SENP2: variants seen among roughly 807,000 people sequenced by gnomAD.
SENP2 encodes SUMO specific peptidase 2, also known as sentrin-specific protease 2.
A neutral mutation model predicts 86.3 loss-of-function variants in SENP2; 16 were observed. That is an observed-to-expected ratio of 0.19 (90% CI 0.13 to 0.28). The LOEUF (loss-of-function observed/expected upper bound fraction) is 0.28, where lower values mean the gene tolerates loss of function less well. SENP2 is among the 10% of genes least tolerant of loss of function. SENP2 has a pLI of 1.00. For synonymous variants in SENP2, 222 were observed against 238.7 expected, an observed-to-expected ratio of 0.93 and a Z score of 0.64; for missense variants, 552 against 703.0, an observed-to-expected ratio of 0.79 and a Z score of 2.43.
Position 185,600,870 on chromosome 3 carries a change from C to A in SENP2, c.449+15C>A, listed in dbSNP as rs1577723630. 1 of 1,561,442 alleles carries A rather than the reference C, an allele frequency of 6.4e-7. No individual in the cohort carries two copies. On this transcript the variant is annotated intron_variant, in intron 5 of 16. Coordinates refer to ENST00000296257, the MANE Select transcript of SENP2 (RefSeq NM_021627.3). Reference sequence around the variant, plus strand: ...CCTTCCTTTGGGTAAGTGTTAAATTCTTTCTGTAAATGGAAACTTAGCATT... The same window carrying A: ...CCTTCCTTTGGGTAAGTGTTAAATTATTTCTGTAAATGGAAACTTAGCATT...
chr3:185,606,316 T>C lies in SENP2; in HGVS notation c.450-14T>C. 6.3e-7 allele frequency: 1 copy of C among 1,576,174 alleles called. No homozygotes were observed. The highest frequency in any genetic ancestry group is 8.6e-7 in the Non-Finnish European group (1 of 1,166,474). On this transcript the variant is annotated splice_polypyrimidine_tract_variant and intron_variant, in intron 5 of 16. Coordinates refer to ENST00000296257, the MANE Select transcript of SENP2 (RefSeq NM_021627.3). ...CTTGGTGATACTTTTTTTCTTTTTT[T>C]TTCTGTTGCTCAGTTTTACTTTGAA...
chr3:185,617,051 G>A (rs545326184), intron 11 of SENP2, among the ~76,000 whole-genome samples: 2 of 152,262 alleles, frequency 1.3e-5, no homozygotes, highest in South Asian at 4.1e-4. Flanking sequence ...GGAAAATTGA[G>A]ACTATACTTT....
intron 11 of SENP2, among the ~76,000 whole-genome samples, chr3:185,615,574 C>G (rs1711568351): frequency 6.6e-6 from 1 of 152,078 alleles, no homozygotes; most frequent in African/African-American, 2.4e-5. Context: ...GAACTCCTGA[C>G]CTTAGATGAT....
intron 5 of SENP2, among the ~76,000 whole-genome samples, chr3:185,604,124 AAAAT>A (rs767408180): frequency 2.4e-4 from 36 of 152,218 alleles, no homozygotes; most frequent in African/African-American, 5.8e-4. Flanking sequence ...CCGTCTCAAA[AAAAT>A]AAATAAATAA....
chr3:185,598,479 G>T lies in SENP2; in HGVS notation c.225G>T (p.Gln75His). The T allele has an allele frequency of 6.2e-7, 1 of 1,614,068 alleles. No individual in the cohort carries two copies. Among genetic ancestry groups the T allele is most frequent in the Non-Finnish European group, 8.5e-7 (1 of 1,180,002 alleles). ...CCAGCTTATTTGGATTCCCATTCCA[G>T]CTGACCACAAAGCCCATGGTAACTT... ...NAASLFGFPFQLTTKPMVTSA... is the reference protein window; with the variant it reads ...NAASLFGFPFHLTTKPMVTSA... Residue 75 changes from glutamine (Q) to histidine (H), a missense_variant, in exon 3 of 17, where the codon CAG becomes CAT. Around this residue, in one of 2 missense-constraint regions of SENP2, gnomAD observed 383 missense variants for 427.3 expected, o/e 0.90. Coordinates refer to ENST00000296257, the MANE Select transcript of SENP2 (RefSeq NM_021627.3).
At chr3:185,607,319 C>CTT (rs758884593) in intron 6 of SENP2, among the ~76,000 whole-genome samples, 3,210 of 66,094 alleles carry the variant, frequency 0.049, 730 homozygotes, top group South Asian at 0.19. Context: ...AGATTAGATT[C>CTT]TTTTTTTTTT....
intron 1 of SENP2, among the ~76,000 whole-genome samples, chr3:185,588,931 A>G (rs1438349649): frequency 6.6e-6 from 1 of 152,176 alleles, no homozygotes; most frequent in East Asian, 1.9e-4. Context: ...CTTGATCTTT[A>G]CTATACTTTA....
chr3:185,597,671 G>C (rs1014096980), intron 2 of SENP2, among the ~76,000 whole-genome samples: 4 of 143,920 alleles, frequency 2.8e-5, no homozygotes, highest in African/African-American at 1.0e-4. Context: ...TTTTTTTTTT[G>C]AGATGGAGTT....
At position 185,633,257 on chromosome 3, in the gene SENP2, T is replaced by C. The variant is rs1340451697; in HGVS notation, c.*3413T>C. 6.6e-6 allele frequency: 1 copy of C among 152,186 alleles called. No homozygotes were observed. Among genetic ancestry groups the C allele is most frequent in the African/African-American group, 2.4e-5 (1 of 41,440 alleles). The allele number at this position is 152,186 out of a possible 1,614,324, so 9.4% of individuals were successfully genotyped here. A position where few individuals can be genotyped will look rare whatever the true frequency, so the allele number is the denominator to read the frequency against. ...AATAAGCAAGAGACCGAAAGTTAAG[T>C]GTGTGACAACCTCAGTACTGTAGTT... On this transcript the variant is annotated 3_prime_UTR_variant, in exon 17 of 17. Transcript: ENST00000296257.
chr3:185,590,081 A>C (rs1483753116), intron 1 of SENP2, 33 bp from the exon 2 acceptor site: 1 of 1,145,502 alleles, frequency 8.7e-7, no homozygotes, highest in Admixed American at 2.4e-5. Flanking sequence ...GTGTAAATCT[A>C]TATATATATA....
chr3:185,623,849 A>AAT (rs1292199300), intron 14 of SENP2, 149 bp from the exon 15 acceptor site: 1 of 434,226 alleles, frequency 2.3e-6, no homozygotes, highest in Non-Finnish European at 4.0e-6. Flanking sequence ...AAAAAAAAAA[A>AAT]ATCCAGAAAG....
chr3:185,612,639 T>C lies in SENP2; in HGVS notation c.850T>C (p.Ser284Pro), dbSNP rs1404098364. 6.2e-7 allele frequency: 1 copy of C among 1,609,204 alleles called. No homozygotes were observed. Among genetic ancestry groups the C allele is most frequent in the East Asian group, 2.2e-5 (1 of 44,840 alleles). Residue 284 changes from serine to proline, a missense_variant, in exon 9 of 17, where the codon TCA (serine) becomes CCA (proline). Ser to Pro is a moderately conservative substitution (Grantham distance 74). This residue lies in a region of SENP2 where 383 missense variants were observed against 427.3 expected (regional missense o/e 0.90). Transcript: ENST00000296257. ...RLVETRGPLC[S>P]LRSEKRCSKG... is the part of the protein sequence containing the mutation. ...TGTTGAAACAAGGGGACCTCTATGT[T>C]CATTGAGAAGTGAAAAGAGGTACGT... is the stretch of plus-strand genomic sequence containing the variant.
intron 13 of SENP2, among the ~76,000 whole-genome samples, chr3:185,619,954 C>T (rs1242952774): frequency 1.3e-5 from 2 of 151,846 alleles, no homozygotes; most frequent in African/African-American, 4.8e-5. Flanking sequence ...GGTTGGTATC[C>T]AACGCCTGGC....
intron 5 of SENP2, among the ~76,000 whole-genome samples, chr3:185,601,064 G>A (rs1349509953): frequency 1.8e-4 from 20 of 112,570 alleles, no homozygotes; most frequent in African/African-American, 4.9e-4. Context: ...TTTTTTTTGC[G>A]ATGGAGTTTT....
In SENP2 at chr3:185,606,675, G is replaced by A. The variant is rs1246527325; in HGVS notation, c.618+177G>A. 4 of 591,296 alleles carry A rather than the reference G, an allele frequency of 6.8e-6. No individual in the cohort carries two copies. The African/African-American group carries it at 7.4e-5, about 11-fold the overall frequency. 36.6% of individuals were successfully genotyped at this position (591,296 alleles called of 1,614,324 possible). ...CAGATGCACCAAAAATCTGCATGCA[G>A]CATGTGCCCAGGCAGACTTTGAGGG... On this transcript the variant is annotated intron_variant, in intron 6 of 16. Transcript: ENST00000296257.
In SENP2 at chr3:185,626,176, A is replaced by T. The variant is rs1030295116; in HGVS notation, c.1612-122A>T. The T allele has an allele frequency of 4.6e-5, 29 of 635,910 alleles. No individual in the cohort carries two copies. The Admixed American group carries it at 6.1e-4, about 13-fold the overall frequency. 39.4% of individuals were successfully genotyped at this position (635,910 alleles called of 1,614,324 possible). A position where few individuals can be genotyped will look rare whatever the true frequency, so the allele number is the denominator to read the frequency against. On this transcript the variant is annotated intron_variant, in intron 15 of 16. Coordinates refer to ENST00000296257, the MANE Select transcript of SENP2 (RefSeq NM_021627.3). Reference sequence around the variant, plus strand: ...TTTGTATATGACTGTGTGTTTAGGTAATACCTGATTTAATATTTACCTTTA... The same window carrying T: ...TTTGTATATGACTGTGTGTTTAGGTTATACCTGATTTAATATTTACCTTTA...
chr3:185,628,768 A>G (rs1712273751), intron 16 of SENP2, among the ~76,000 whole-genome samples: 2 of 152,166 alleles, frequency 1.3e-5, no homozygotes, highest in Non-Finnish European at 2.9e-5. Flanking sequence ...GGCCTCCCAA[A>G]GTGCTGGGAT....
intron 13 of SENP2, among the ~76,000 whole-genome samples, chr3:185,619,932 C>T (rs762252709): frequency 1.3e-5 from 2 of 151,764 alleles, no homozygotes; most frequent in Non-Finnish European, 2.9e-5. Context: ...TGGAGTCTTG[C>T]TATGTTGCCC....
At chr3:185,613,489 G>T in intron 10 of SENP2, 81 bp downstream of exon 10, 2 of 830,846 alleles carry the variant, frequency 2.4e-6, no homozygotes, top group Non-Finnish European at 4.0e-6. Context: ...GCAAGAAAAA[G>T]TATATATATA....
Sources: gnomAD v4.1 joint callset for allele counts (sites outside exome capture counted in the v4.1 genomes callset) on GRCh38, gnomAD v4.1.1 for gene constraint, gnomAD v4.1.1 regional missense constraint, MANE v1.5 for transcripts, NCBI Gene and HGNC (gene_info 2026-07-23, HGNC 2026-07-21) for gene names.